Variants in CRADD observed in about 807,000 individuals in gnomAD.
CRADD encodes CARD and death domain containing adaptor protein.
A neutral mutation model predicts 15.5 loss-of-function variants in CRADD; 9 were observed. The ratio of observed to expected loss-of-function variants is 0.58; its 90% CI spans 0.35 to 1.01. The LOEUF is 1.01. Among genes scored for constraint, CRADD ranks in the 50% least tolerant of loss-of-function variants. The probability of loss-of-function intolerance (pLI) is 0.02; values close to 1 mark genes in which losing one functional copy is unlikely to be tolerated. For synonymous variants in CRADD, 118 were observed against 107.6 expected (o/e 1.10, Z -0.60); for missense variants, 227 against 250.3 (o/e 0.91, Z 0.63).
At chr12:93,681,847 A>G (rs1955311124) in intron 2 of CRADD, among the ~76,000 whole-genome samples, 1 of 152,060 alleles carries the variant, frequency 6.6e-6, no homozygotes, top group Admixed American at 6.6e-5. Context: ...AAAATCCTGT[A>G]TACCGTAAGT....
chr12:93,764,703 G>GAAATA (rs1957007001), intron 2 of CRADD, among the ~76,000 whole-genome samples: 2 of 148,368 alleles, frequency 1.3e-5, no homozygotes, highest in Non-Finnish European at 3.0e-5. Flanking sequence ...ATTGTGGAAC[G>GAAATA]CTTTGTGGTA....
At chr12:93,764,048 C>T (rs1048673777) in intron 2 of CRADD, among the ~76,000 whole-genome samples, 1 of 152,130 alleles carries the variant, frequency 6.6e-6, no homozygotes, top group Non-Finnish European at 1.5e-5. Flanking sequence ...ATGTGAAGAG[C>T]CAGCCAGGGT....
downstream of CRADD, among the ~76,000 whole-genome samples, chr12:93,855,505 A>G (rs1317147072): frequency 1.3e-5 from 2 of 152,248 alleles, no homozygotes; most frequent in Non-Finnish European, 2.9e-5. Flanking sequence ...ATTACAACAC[A>G]ATGCAATCAG....
At chr12:93,863,643 T>TGTGTGA (rs1241056081) in intron 2 of CRADD, among the ~76,000 whole-genome samples, 2 of 149,444 alleles carry the variant, frequency 1.3e-5, no homozygotes, top group African/African-American at 2.5e-5. Flanking sequence ...TGTGTGTGTG[T>TGTGTGA]GAAGCTGTCA....
At chr12:93,767,427 C>A (rs549048608) in intron 2 of CRADD, among the ~76,000 whole-genome samples, 1 of 152,280 alleles carries the variant, frequency 6.6e-6, no homozygotes, top group South Asian at 2.1e-4. Flanking sequence ...TTGGTTATAT[C>A]ATGTATACAT....
intron 2 of CRADD, chr12:93,708,150 G>A (rs1018268184): frequency 1.3e-5 from 2 of 152,188 alleles, no homozygotes; most frequent in South Asian, 4.1e-4. Flanking sequence ...CAGGCCCTGG[G>A]AATACAGAAG....
Position 93,689,274 on chromosome 12 carries a change from A to G in CRADD, c.298+10202A>G, listed in dbSNP as rs146451179. Among the ~76,000 whole-genome samples the G allele has an allele frequency of 1.2e-3, 190 of 152,306 alleles. 1 individual carries two copies. The highest frequency in any genetic ancestry group is 7.1e-3 in the East Asian group (37 of 5,186). On this transcript the variant is annotated intron_variant, in intron 2 of 2. Transcript: ENST00000332896. Reference sequence around the variant, plus strand: ...AGCTTCAGAGTTTCACCAAATGCTTAGCAAGGTAGTGTTCTCTTTTTATGG... The same window carrying G: ...AGCTTCAGAGTTTCACCAAATGCTTGGCAAGGTAGTGTTCTCTTTTTATGG...
chr12:93,767,536 T>C (rs1177224313), intron 2 of CRADD, among the ~76,000 whole-genome samples: 2 of 152,242 alleles, frequency 1.3e-5, no homozygotes, highest in Non-Finnish European at 2.9e-5. Context: ...CTTTGGATCC[T>C]AAATTATCAC....
chr12:93,891,593 T>C (rs1054894806), intron 2 of CRADD, among the ~76,000 whole-genome samples: 1 of 152,234 alleles, frequency 6.6e-6, no homozygotes, highest in South Asian at 2.1e-4. Context: ...TACACACTTA[T>C]GTGTGTGTGT....
chr12:93,718,231 G>C (rs1487601037), intron 2 of CRADD, among the ~76,000 whole-genome samples: 1 of 152,142 alleles, frequency 6.6e-6, no homozygotes, highest in Admixed American at 6.5e-5. Flanking sequence ...TTTTTGTTGG[G>C]ATTGCATTGA....
intron 2 of CRADD, among the ~76,000 whole-genome samples, chr12:93,868,991 T>A (rs1958395238): frequency 6.6e-6 from 1 of 152,098 alleles, no homozygotes; most frequent in Non-Finnish European, 1.5e-5. Flanking sequence ...AGGGCAAGAC[T>A]CCAAAGAGCA....
chr12:93,799,118 C>CTGTGTTATTCTTTCTCAAATTGGGATT (rs1189583047), intron 2 of CRADD, among the ~76,000 whole-genome samples: 1 of 152,156 alleles, frequency 6.6e-6, no homozygotes, highest in Non-Finnish European at 1.5e-5. Context: ...GGGACTTGAA[C>CTGTGTTATTCTTTCTCAAATTGGGATT]TGTGTTATTC....
Position 93,761,013 on chromosome 12 carries a change from G to A in CRADD, c.298+81941G>A, listed in dbSNP as rs374981226. Among the ~76,000 whole-genome samples, 21 of 152,190 alleles carry A rather than the reference G, an allele frequency of 1.4e-4. 2 individuals are homozygous for A. Among genetic ancestry groups the A allele is most frequent in the Admixed American group, 1.2e-3 (19 of 15,288 alleles). ...GAGATAGGGAGAGGAAGCCGCTGAGGTAGGAGTCTAGCGAACAGGGTGAGA... is the reference window on the plus strand; with the variant it reads ...GAGATAGGGAGAGGAAGCCGCTGAGATAGGAGTCTAGCGAACAGGGTGAGA... On this transcript the variant is annotated intron_variant, in intron 2 of 2. Transcript: ENST00000332896.
intron 1 of CRADD, among the ~76,000 whole-genome samples, chr12:93,678,306 AAAAAGGG>A (rs1955204418): frequency 6.6e-6 from 1 of 152,174 alleles, no homozygotes; most frequent in Non-Finnish European, 1.5e-5. Context: ...TTGTGATCAA[AAAAAGGG>A]GACCTGCGTC....
chr12:93,734,894 C>T (rs999047938), intron 2 of CRADD, among the ~76,000 whole-genome samples: 5 of 152,158 alleles, frequency 3.3e-5, no homozygotes, highest in Middle Eastern at 3.2e-3. Context: ...CATGCCACTT[C>T]CTAGGGGAGG....
chr12:93,784,534 G>A (rs1000955103), intron 2 of CRADD, among the ~76,000 whole-genome samples: 4 of 152,096 alleles, frequency 2.6e-5, no homozygotes, highest in African/African-American at 4.8e-5. Context: ...AAGTGAGCAC[G>A]TGCTAATCCA....
intron 2 of CRADD, among the ~76,000 whole-genome samples, chr12:93,697,061 T>C (rs983243212): frequency 3.9e-5 from 6 of 152,182 alleles, no homozygotes; most frequent in African/African-American, 1.4e-4. Context: ...TCTGACATGT[T>C]TTCTTCACAA....
At chr12:93,681,852 G>A (rs12582133) in intron 2 of CRADD, among the ~76,000 whole-genome samples, 22,032 of 151,842 alleles carry the variant, frequency 0.15, 3,186 homozygotes, top group African/African-American at 0.35. Flanking sequence ...CCTGTATACC[G>A]TAAGTTCTAG....
intron 2 of CRADD, among the ~76,000 whole-genome samples, chr12:93,747,351 G>A (rs1956768719): frequency 6.6e-6 from 1 of 152,142 alleles, no homozygotes; most frequent in Non-Finnish European, 1.5e-5. Context: ...TGGGAACTGG[G>A]GAGGGGCATG....
Sources: allele counts gnomAD v4.1 joint callset (sites outside exome capture counted in the v4.1 genomes callset), GRCh38; gene constraint gnomAD v4.1.1; transcripts MANE v1.5; gene names NCBI Gene and HGNC (gene_info 2026-07-23, HGNC 2026-07-21).